The following VWC2L variants were observed in gnomAD, a reference collection of about 807,000 sequenced individuals.
The protein encoded by VWC2L is von Willebrand factor C domain containing 2 like, also known as von Willebrand factor C domain-containing protein 2-like.
In VWC2L, 10 loss-of-function variants were observed where a neutral mutation model predicts 21.6. That is an observed-to-expected ratio of 0.46 (90% CI 0.29 to 0.78). The LOEUF (loss-of-function observed/expected upper bound fraction) is 0.78, where lower values mean the gene tolerates loss of function less well. Ranked by LOEUF, VWC2L falls within the 30% of genes least tolerant of loss-of-function variation. The pLI is 0.10. For missense variants in VWC2L, 209 were observed against 277.1 expected (o/e 0.75, Z 1.74); for synonymous variants, 96 against 94.3 (o/e 1.02, Z -0.10).
At chr2:214,501,969 G>A (rs1022901638) in intron 3 of VWC2L, among the ~76,000 whole-genome samples, 2 of 152,160 alleles carry the variant, frequency 1.3e-5, no homozygotes, top group African/African-American at 4.8e-5. Context: ...GCAGCCACCT[G>A]AGTGGCTACC....
intron 3 of VWC2L, chr2:214,525,330 T>C (rs1689316643): frequency 6.6e-6 from 1 of 152,150 alleles, no homozygotes; most frequent in South Asian, 2.1e-4. Context: ...ACACAAGTAG[T>C]TCATTCCCAA....
chr2:214,535,877 G>A (rs1689519392), intron 3 of VWC2L, among the ~76,000 whole-genome samples: 1 of 151,738 alleles, frequency 6.6e-6, no homozygotes, highest in Non-Finnish European at 1.5e-5. Flanking sequence ...ACCTTATAAG[G>A]CAGGCAATAT....
At chr2:214,486,261 G>A (rs147937951) in intron 3 of VWC2L, among the ~76,000 whole-genome samples, 1 of 152,318 alleles carries the variant, frequency 6.6e-6, no homozygotes, top group East Asian at 1.9e-4. Flanking sequence ...AATGCATACT[G>A]TCAATCAATG....
chr2:214,564,013 A>C (rs1690022446), intron 3 of VWC2L, among the ~76,000 whole-genome samples: 1 of 152,200 alleles, frequency 6.6e-6, no homozygotes, highest in Admixed American at 6.5e-5. Context: ...AGGCATTCCT[A>C]TACACCAACA....
At position 214,417,242 on chromosome 2, in the gene VWC2L, G is replaced by A. The variant is rs565002673; in HGVS notation, c.390+2659G>A. On this transcript the variant is annotated intron_variant, in intron 2 of 3. Transcript: ENST00000312504. ...TCATCCAACAAGCATTTATCAGACC[G>A]TTCAGTAGATAAGATACTGTAGACG... 4.6e-5 allele frequency among the ~76,000 whole-genome samples: 7 copies of A among 152,198 alleles called. No homozygotes were observed. In the South Asian group the frequency reaches 1.5e-3, roughly 32 times the overall value.
At chr2:214,411,967 C>T (rs1702279365) in intron 1 of VWC2L, among the ~76,000 whole-genome samples, 181 bp downstream of exon 1, 1 of 151,584 alleles carries the variant, frequency 6.6e-6, no homozygotes, top group African/African-American at 2.4e-5. Context: ...TGATTTATCC[C>T]ATGTTTCTTC....
chr2:214,570,035 T>C lies in VWC2L; in HGVS notation c.521-5637T>C, dbSNP rs868772789. Among the ~76,000 whole-genome samples, 22 of 152,234 alleles carry C rather than the reference T, an allele frequency of 1.4e-4. No individual in the cohort carries two copies. In the Middle Eastern group the frequency reaches 0.014, roughly 94 times the overall value. On this transcript the variant is annotated intron_variant, in intron 3 of 3. Coordinates refer to ENST00000312504, the MANE Select transcript of VWC2L (RefSeq NM_001080500.4). ...ACAAATATGACAGAGACCCTTCAAT[T>C]TTCTGCTGGTTTTGTAGAATCCTGG...
At chr2:214,551,778 C>A (rs998397370) in intron 3 of VWC2L, among the ~76,000 whole-genome samples, 3 of 152,344 alleles carry the variant, frequency 2.0e-5, no homozygotes, top group Middle Eastern at 3.4e-3. Flanking sequence ...GAGAGGCACC[C>A]ACACAAATAT....
intron 3 of VWC2L, among the ~76,000 whole-genome samples, chr2:214,527,927 C>T (rs574704198): frequency 5.9e-5 from 9 of 152,252 alleles, no homozygotes; most frequent in African/African-American, 2.2e-4. Flanking sequence ...CTTTCTCAAC[C>T]AGTAAGCTGA....
rs184916689 is a variant in VWC2L at position 214,474,357 on chromosome 2, A to G, written c.520+37599A>G. Among the ~76,000 whole-genome samples, 416 of 152,230 alleles carry G rather than the reference A, an allele frequency of 2.7e-3. 2 individuals carry two copies. Among genetic ancestry groups the G allele is most frequent in the Non-Finnish European group, 3.8e-3 (260 of 68,010 alleles). On this transcript the variant is annotated intron_variant, in intron 3 of 3. Coordinates refer to ENST00000312504, the MANE Select transcript of VWC2L (RefSeq NM_001080500.4). ...AGTGTGACCTTGAGCAAGTCACTTC[A>G]TCTATCTCAGGCTCAGTTTTCTCAT...
intron 3 of VWC2L, among the ~76,000 whole-genome samples, chr2:214,564,353 ATAGGGAAGACAATCC>A (rs1289957141): frequency 2.0e-5 from 3 of 152,260 alleles, no homozygotes; most frequent in Non-Finnish European, 4.4e-5. Flanking sequence ...AAGAGCTCAT[ATAGGGAAGACAATCC>A]TAAACAAAAA....
chr2:214,563,546 C>CAAAAAAAAAAAAAAAAAAAAA lies in VWC2L; in HGVS notation c.521-12111_521-12091dup, dbSNP rs55864016. Reference sequence around the variant, plus strand: ...TGGGTGACACAGCAAGACTCCGTCTCAAAAAAAAAAAAAAAAAAAAAAAAA... The same window carrying CAAAAAAAAAAAAAAAAAAAAA: ...TGGGTGACACAGCAAGACTCCGTCTCAAAAAAAAAAAAAAAAAAAAAAAAAAAAAAAAAAAAAAAAAAAAAA... On this transcript the variant is annotated intron_variant, in intron 3 of 3. Transcript: ENST00000312504. Among the ~76,000 whole-genome samples, 63 of 95,838 alleles carry CAAAAAAAAAAAAAAAAAAAAA rather than the reference C, an allele frequency of 6.6e-4. 2 individuals carry two copies. Among genetic ancestry groups the CAAAAAAAAAAAAAAAAAAAAA allele is most frequent in the African/African-American group, 9.7e-4 (23 of 23,786 alleles). The allele number at this position is 95,838 out of a possible 152,430, so 62.9% of individuals were successfully genotyped here.
At chr2:214,479,542 C>A (rs529813871) in intron 3 of VWC2L, among the ~76,000 whole-genome samples, 1 of 152,302 alleles carries the variant, frequency 6.6e-6, no homozygotes, top group South Asian at 2.1e-4. Flanking sequence ...TGGTAGCTTA[C>A]GCCTGTTATC....
intron 3 of VWC2L, among the ~76,000 whole-genome samples, chr2:214,490,529 GGAA>G (rs1377081719): frequency 6.6e-6 from 1 of 152,048 alleles, no homozygotes; most frequent in African/African-American, 2.4e-5. Flanking sequence ...CAGGGAAGCT[GGAA>G]GAAGGAGAAG....
At chr2:214,488,176 C>A (rs903180241) in intron 3 of VWC2L, among the ~76,000 whole-genome samples, 1 of 152,182 alleles carries the variant, frequency 6.6e-6, no homozygotes, top group Non-Finnish European at 1.5e-5. Context: ...GCTTCATGGC[C>A]TTTGTTCATC....
intron 3 of VWC2L, among the ~76,000 whole-genome samples, chr2:214,535,208 T>G (rs748358681): frequency 6.6e-5 from 10 of 152,150 alleles, no homozygotes; most frequent in Admixed American, 2.0e-4. Flanking sequence ...TTTTTCAATT[T>G]TGTATTTAAA....
chr2:214,457,553 T>C (rs1055810919), intron 3 of VWC2L, among the ~76,000 whole-genome samples: 15 of 152,178 alleles, frequency 9.9e-5, no homozygotes, highest in African/African-American at 3.6e-4. Flanking sequence ...AAGTGGGCAT[T>C]CTTGTCTTGT....
rs1191168160 is a variant in VWC2L at position 214,567,573 on chromosome 2, C to CAGAG, written c.521-8098_521-8097insGAGA. ...ACACACACACACACACACACACACA[C>CAGAG]ACACACACACACACACACACACAGA... On this transcript the variant is annotated intron_variant, in intron 3 of 3. Transcript: ENST00000312504. Among the ~76,000 whole-genome samples the CAGAG allele has an allele frequency of 4.4e-4, 62 of 141,978 alleles. 1 individual carries two copies. The highest frequency in any genetic ancestry group is 9.0e-4 in the Admixed American group (13 of 14,406). 93.1% of individuals were successfully genotyped at this position (141,978 alleles called of 152,430 possible). A position where few individuals can be genotyped will look rare whatever the true frequency, so the allele number is the denominator to read the frequency against.
intron 2 of VWC2L, among the ~76,000 whole-genome samples, chr2:214,421,294 A>C (rs1325533829): frequency 6.6e-6 from 1 of 152,224 alleles, no homozygotes; most frequent in Non-Finnish European, 1.5e-5. Context: ...AAGAGAGTAG[A>C]ATTATAAGAA....
Sources: gnomAD v4.1 joint callset for allele counts (sites outside exome capture counted in the v4.1 genomes callset) on GRCh38, gnomAD v4.1.1 for gene constraint, MANE v1.5 for transcripts, NCBI Gene and HGNC (gene_info 2026-07-23, HGNC 2026-07-21) for gene names.